The following ST3GAL3 variants were observed in gnomAD, a reference collection of about 807,000 sequenced individuals.
The protein encoded by ST3GAL3 is CMP-N-acetylneuraminate-beta-1,4-galactoside alpha-2,3-sialyltransferase.
In ST3GAL3, 21 loss-of-function variants were observed where a neutral mutation model predicts 50.1. The ratio of observed to expected loss-of-function variants is 0.42; its 90% CI spans 0.30 to 0.60. The LOEUF is 0.60. Among genes scored for constraint, ST3GAL3 ranks in the 20% least tolerant of loss-of-function variants. The pLI is 0.19. For missense variants in ST3GAL3, 353 were observed against 489.4 expected, an observed-to-expected ratio of 0.72 and a Z score of 2.63; for synonymous variants, 183 against 190.0, an observed-to-expected ratio of 0.96 and a Z score of 0.30.
At chr1:43,786,549 A>G (rs2057361900) in intron 2 of ST3GAL3, among the ~76,000 whole-genome samples, 1 of 152,040 alleles carries the variant, frequency 6.6e-6, no homozygotes. Context: ...TTCCTGAAAC[A>G]CCCTGTCTAA....
chr1:43,926,954 T>C (rs1026111442), intron 11 of ST3GAL3, among the ~76,000 whole-genome samples: 3 of 152,314 alleles, frequency 2.0e-5, no homozygotes, highest in African/African-American at 7.2e-5. Flanking sequence ...GCGGCCAACA[T>C]TGTTCCATCT....
chr1:43,765,801 GTC>G (rs1553295467), intron 2 of ST3GAL3, among the ~76,000 whole-genome samples: 7 of 143,046 alleles, frequency 4.9e-5, no homozygotes, highest in Admixed American at 2.0e-4. Flanking sequence ...GCGCGCGCGC[GTC>G]CGCGCGTCCG....
chr1:43,898,205 G>GT (rs746034908), intron 6 of ST3GAL3, 30 bp from the exon 7 acceptor site: 1 of 1,612,148 alleles, frequency 6.2e-7, no homozygotes, highest in African/African-American at 1.3e-5. Flanking sequence ...AAGTGACCCT[G>GT]TAACAGAAAC....
At position 43,830,905 on chromosome 1, in the gene ST3GAL3, A is replaced by G. The variant is rs1036335176; in HGVS notation, c.210-7314A>G. Among the ~76,000 whole-genome samples the G allele has an allele frequency of 5.3e-5, 8 of 152,380 alleles. No individual in the cohort carries two copies. In the South Asian group the frequency reaches 6.2e-4, roughly 12 times the overall value. ...TCCTTCTTAAATTATTGAAACTATG[A>G]TAATAATTCAGATGAATCTAGAAGG... On this transcript the variant is annotated intron_variant, in intron 4 of 11. Coordinates refer to ENST00000347631, the MANE Select transcript of ST3GAL3 (RefSeq NM_006279.5).
chr1:43,817,497 CCTCCTTTTTCCTTCTT>C (rs1383475551), intron 4 of ST3GAL3, among the ~76,000 whole-genome samples: 1 of 146,744 alleles, frequency 6.8e-6, no homozygotes, highest in Non-Finnish European at 1.5e-5. Context: ...TTCTCCTTCT[CCTCCTTTTTCCTTCTT>C]CTTCATTCTT....
At chr1:43,883,066 G>A (rs553209100) in intron 5 of ST3GAL3, among the ~76,000 whole-genome samples, 12 of 152,038 alleles carry the variant, frequency 7.9e-5, no homozygotes, top group Admixed American at 3.3e-4. Flanking sequence ...AGGCTCAAGC[G>A]GTCCTCCTGC....
chr1:43,732,072 T>G (rs1474197934), intron 1 of ST3GAL3, among the ~76,000 whole-genome samples: 2 of 152,254 alleles, frequency 1.3e-5, no homozygotes, highest in Non-Finnish European at 2.9e-5. Context: ...TAGATTTTTT[T>G]TCACTTAGCA....
At chr1:43,909,312 T>C (rs2080377525) in intron 9 of ST3GAL3, among the ~76,000 whole-genome samples, 1 of 152,204 alleles carries the variant, frequency 6.6e-6, no homozygotes. Flanking sequence ...CTTGCATCCT[T>C]TTGCTCTCTT....
intron 3 of ST3GAL3, among the ~76,000 whole-genome samples, chr1:43,810,676 T>C (rs2060453765): frequency 6.6e-6 from 1 of 152,154 alleles, no homozygotes; most frequent in Admixed American, 6.5e-5. Flanking sequence ...TCTCTGTGAC[T>C]AGAACAGAAT....
At chr1:43,761,149 C>T (rs565224575) in intron 2 of ST3GAL3, among the ~76,000 whole-genome samples, 14 of 152,294 alleles carry the variant, frequency 9.2e-5, no homozygotes, top group African/African-American at 1.4e-4. Context: ...AATGTCCCTC[C>T]GGGAGCTGGA....
chr1:43,906,317 C>T (rs545867543), intron 9 of ST3GAL3, among the ~76,000 whole-genome samples: 1 of 144,186 alleles, frequency 6.9e-6, no homozygotes, highest in African/African-American at 2.6e-5. Flanking sequence ...GTTTCTCTTC[C>T]TACCACTCTT....
intron 1 of ST3GAL3, among the ~76,000 whole-genome samples, chr1:43,718,274 A>G (rs1259593560): frequency 8.0e-6 from 1 of 125,530 alleles, no homozygotes; most frequent in Non-Finnish European, 1.6e-5. Flanking sequence ...ACTGCAAGCT[A>G]TCCCTCCCTG....
At chr1:43,770,391 A>C (rs1187993427) in intron 2 of ST3GAL3, among the ~76,000 whole-genome samples, 1 of 152,140 alleles carries the variant, frequency 6.6e-6, no homozygotes, top group Non-Finnish European at 1.5e-5. Context: ...AAAAGCACTG[A>C]CATAGGAGGG....
At chr1:43,869,813 G>T (rs1009677510) in intron 5 of ST3GAL3, among the ~76,000 whole-genome samples, 1 of 152,116 alleles carries the variant, frequency 6.6e-6, no homozygotes, top group African/African-American at 2.4e-5. Flanking sequence ...AAGCCATTCT[G>T]TTCTTGTCTA....
chr1:43,853,185 A>G (rs894545998), intron 5 of ST3GAL3, among the ~76,000 whole-genome samples: 1 of 152,176 alleles, frequency 6.6e-6, no homozygotes, highest in African/African-American at 2.4e-5. Context: ...TATTGGGAGA[A>G]AGTGAGGCAC....
intron 3 of ST3GAL3, among the ~76,000 whole-genome samples, chr1:43,794,099 AAAAAG>A (rs1161161070): frequency 1.3e-5 from 2 of 151,974 alleles, no homozygotes; most frequent in African/African-American, 2.4e-5. Context: ...AAAAAAAAAA[AAAAAG>A]AAGGAAAAAA....
intron 2 of ST3GAL3, among the ~76,000 whole-genome samples, chr1:43,764,267 A>G (rs1480445154): frequency 3.4e-4 from 52 of 152,154 alleles, no homozygotes; most frequent in Admixed American, 3.4e-3. Context: ...GGTATTTCTT[A>G]CTTTCTTATA....
chr1:43,760,127 A>G lies in ST3GAL3; in HGVS notation c.118+23747A>G, dbSNP rs1484458945. On this transcript the variant is annotated intron_variant, in intron 2 of 11. Transcript: ENST00000347631. ...ACTTGAAAGAAATGATAGACAAAGT[A>G]TGGTTATTTAGACTGGGTTTTGACA... Among the ~76,000 whole-genome samples, 6 of 152,200 alleles carry G rather than the reference A, an allele frequency of 3.9e-5. No individual in the cohort carries two copies. In the South Asian group the frequency reaches 1.2e-3, roughly 31 times the overall value.
intron 5 of ST3GAL3, among the ~76,000 whole-genome samples, chr1:43,887,773 G>T (rs2076176289): frequency 6.6e-6 from 1 of 151,920 alleles, no homozygotes; most frequent in Admixed American, 6.5e-5. Flanking sequence ...TGTAGTGATG[G>T]AGGTGAGGAT....
Sources: allele counts gnomAD v4.1 joint callset (sites outside exome capture counted in the v4.1 genomes callset), GRCh38; gene constraint gnomAD v4.1.1; transcripts MANE v1.5; gene names NCBI Gene and HGNC (gene_info 2026-07-23, HGNC 2026-07-21).